Variants in IQUB observed in about 807,000 individuals in gnomAD.
The protein encoded by IQUB is IQ motif and ubiquitin-like domain-containing protein.
In IQUB, 86 loss-of-function variants were observed where a neutral mutation model predicts 86.4. The observed-to-expected ratio is 1.00, with a 90% CI of 0.84 to 1.19. IQUB has a LOEUF of 1.19. Among genes scored for constraint, IQUB ranks in the 50% most tolerant of loss-of-function variants. IQUB has a pLI of 0.00. For missense variants in IQUB, 946 were observed against 916.9 expected (o/e 1.03, Z -0.41); for synonymous variants, 289 against 304.5 (o/e 0.95, Z 0.53).
chr7:123,525,211 C>T (rs2117351767), intron 1 of IQUB, among the ~76,000 whole-genome samples: 1 of 152,150 alleles, frequency 6.6e-6, no homozygotes, highest in South Asian at 2.1e-4. Flanking sequence ...TGATGCTGGC[C>T]TCATAAAATG....
rs1796451441 is a variant in IQUB at position 123,512,228 on chromosome 7, T to C, written c.113A>G (p.Glu38Gly). 1.2e-6 allele frequency: 2 copies of C among 1,613,870 alleles called. No individual in the cohort carries two copies. Among genetic ancestry groups the C allele is most frequent in the South Asian group, 1.1e-5 (1 of 91,084 alleles). ...TTCATGCTCTTCAGTTTGATCTGAC[T>C]CTTGAGGCTCTTCTGAGGGAACTGG... is the stretch of plus-strand genomic sequence containing the variant. ...TIPVPSEEPQ[E>G]SDQTEEHESG... Residue 38 changes from glutamate (E) to glycine (G), a missense_variant, in exon 2 of 13, where the codon GAG (glutamate) becomes GGG (glycine). Coordinates refer to ENST00000324698, the MANE Select transcript of IQUB (RefSeq NM_178827.5).
chr7:123,497,653 G>A (rs1388993225), intron 6 of IQUB, among the ~76,000 whole-genome samples: 9 of 151,172 alleles, frequency 6.0e-5, no homozygotes, highest in East Asian at 1.9e-4. Flanking sequence ...TGAAGAGGCC[G>A]GATCAAGACT....
At chr7:123,529,254 T>A (rs1203351344) in intron 1 of IQUB, among the ~76,000 whole-genome samples, 2 of 152,074 alleles carry the variant, frequency 1.3e-5, no homozygotes, top group East Asian at 3.8e-4. Flanking sequence ...ACATTTAAAT[T>A]TGTTTATGAT....
intron 11 of IQUB, 95 bp downstream of exon 11, chr7:123,461,262 A>T (rs1793966536): frequency 9.4e-6 from 12 of 1,277,782 alleles, no homozygotes; most frequent in Admixed American, 4.4e-5. Context: ...GAGAGTCATT[A>T]AACAATCACA....
At chr7:123,511,912 A>G (rs772831733) in intron 2 of IQUB, 32 bp downstream of exon 2, 23 of 1,463,908 alleles carry the variant, frequency 1.6e-5, no homozygotes, top group Non-Finnish European at 2.8e-6. Flanking sequence ...CAAAATGAGA[A>G]AATGAAATAG....
intron 3 of IQUB, among the ~76,000 whole-genome samples, chr7:123,505,406 A>T (rs1400897234): frequency 6.6e-6 from 1 of 152,180 alleles, no homozygotes; most frequent in Non-Finnish European, 1.5e-5. Context: ...GAGGTTCTCC[A>T]TGAGGGCTCT....
intron 12 of IQUB, among the ~76,000 whole-genome samples, chr7:123,455,149 G>A (rs1226987263): frequency 6.6e-6 from 1 of 151,914 alleles, no homozygotes; most frequent in Non-Finnish European, 1.5e-5. Context: ...TATTTACGGG[G>A]TACATAGTGA....
At position 123,479,990 on chromosome 7, in the gene IQUB, G is replaced by A; in HGVS notation, c.1235-20C>T. The A allele has an allele frequency of 6.4e-7, 1 of 1,569,110 alleles. No individual in the cohort carries two copies. The highest frequency in any genetic ancestry group is 8.6e-7 in the Non-Finnish European group (1 of 1,160,778). ...GCCAGACTAGAGGAATAACACAATAGACTCTTGAGTTTTTAAAAATCCCAT... is the reference window on the plus strand; with the variant it reads ...GCCAGACTAGAGGAATAACACAATAAACTCTTGAGTTTTTAAAAATCCCAT... On this transcript the variant is annotated intron_variant, in intron 7 of 12. Coordinates refer to ENST00000324698, the MANE Select transcript of IQUB (RefSeq NM_178827.5).
chr7:123,466,755 C>G (rs183490450), intron 9 of IQUB, among the ~76,000 whole-genome samples: 93 of 152,202 alleles, frequency 6.1e-4, no homozygotes, highest in Non-Finnish European at 1.2e-3. Flanking sequence ...TCATGTAGCT[C>G]ACTTAGATGG....
chr7:123,479,963 C>T lies in IQUB; in HGVS notation c.1242G>A (p.Arg414=), dbSNP rs144313449. ...GGTTAATACGTGTAAGTTCTTCTTG[C>T]CGCCAGACTAGAGGAATAACACAAT... ...EFLYNALEFW[R]QEELTRINQS... The change falls in exon 8 of 13, where the codon CGG becomes CGA. Residue 414 remains arginine (R), a synonymous_variant. Coordinates refer to ENST00000324698, the MANE Select transcript of IQUB (RefSeq NM_178827.5). 1,698 of 1,606,914 alleles carry T rather than the reference C, an allele frequency of 1.1e-3. 2 individuals are homozygous for T. Among genetic ancestry groups the T allele is most frequent in the Non-Finnish European group, 1.4e-3 (1,620 of 1,177,468 alleles).
At chr7:123,503,423 CTTA>C (rs1796040410) in intron 3 of IQUB, 60 bp from the exon 4 acceptor site, 5 of 910,224 alleles carry the variant, frequency 5.5e-6, no homozygotes, top group South Asian at 1.7e-5. Flanking sequence ...ATTCATTGAT[CTTA>C]TTTTTTGTTT....
intron 6 of IQUB, among the ~76,000 whole-genome samples, chr7:123,498,469 CAAA>C (rs1173259283): frequency 2.6e-5 from 4 of 151,958 alleles, no homozygotes; most frequent in Non-Finnish European, 5.9e-5. Context: ...AAAAGACTGG[CAAA>C]AATTTTATTT....
chr7:123,532,242 T>C (rs1797566483), intron 1 of IQUB: 1 of 152,178 alleles, frequency 6.6e-6, no homozygotes, highest in African/African-American at 2.4e-5. Flanking sequence ...ATTTTTTTCT[T>C]CCAATTGTTT....
intron 8 of IQUB, among the ~76,000 whole-genome samples, chr7:123,470,680 T>TAGGAA (rs1794479619): frequency 6.6e-6 from 1 of 151,930 alleles, no homozygotes; most frequent in Non-Finnish European, 1.5e-5. Flanking sequence ...TGAAACCCCG[T>TAGGAA]CTCTACTAAA....
intron 8 of IQUB, among the ~76,000 whole-genome samples, chr7:123,478,748 C>T (rs377493859): frequency 3.3e-5 from 5 of 151,902 alleles, no homozygotes; most frequent in Admixed American, 2.6e-4. Flanking sequence ...CTGGAGCAAC[C>T]GAGTAGATGA....
At chr7:123,473,565 TG>T (rs1236000901) in intron 8 of IQUB, among the ~76,000 whole-genome samples, 3 of 152,042 alleles carry the variant, frequency 2.0e-5, no homozygotes, top group African/African-American at 7.2e-5. Flanking sequence ...TGAGTTCTTT[TG>T]TTTTTTTGTT....
At chr7:123,530,023 C>G (rs1325291033) in intron 1 of IQUB, among the ~76,000 whole-genome samples, 1 of 151,580 alleles carries the variant, frequency 6.6e-6, no homozygotes, top group Non-Finnish European at 1.5e-5. Context: ...CAGAGCCAGA[C>G]TCCATCTCAA....
At chr7:123,477,517 G>A (rs2117061106) in intron 8 of IQUB, among the ~76,000 whole-genome samples, 1 of 152,240 alleles carries the variant, frequency 6.6e-6, no homozygotes, top group African/African-American at 2.4e-5. Context: ...ATACCATTCA[G>A]GACATAGGCA....
rs190528534 is a variant in IQUB at position 123,502,687 on chromosome 7, A to G, written c.933T>C (p.Ile311=). The change falls in exon 6 of 13, where the codon ATT becomes ATC. Residue 311 remains isoleucine (I), a synonymous_variant. Transcript: ENST00000324698. The part of the protein sequence containing the change: ...TNTTSTQMTN[I]GVYVSNMTDK... ...CAGTCATATTTGATACATATACACCAATGTTAGTCATCTGTGTGGATGTTG... is the reference window on the plus strand; with the variant it reads ...CAGTCATATTTGATACATATACACCGATGTTAGTCATCTGTGTGGATGTTG... 4 of 1,609,964 alleles carry G rather than the reference A, an allele frequency of 2.5e-6. No individual in the cohort carries two copies. The East Asian group carries it at 6.7e-5, about 27-fold the overall frequency.
Sources: gnomAD v4.1 joint callset for allele counts (sites outside exome capture counted in the v4.1 genomes callset) on GRCh38, gnomAD v4.1.1 for gene constraint, MANE v1.5 for transcripts, NCBI Gene and HGNC (gene_info 2026-07-23, HGNC 2026-07-21) for gene names.